Variants in MIOS observed in about 807,000 individuals in gnomAD.
The protein encoded by MIOS is meiosis regulator for oocyte development, also known as GATOR2 complex protein MIOS.
MIOS carries 52 observed loss-of-function variants against 96.9 expected under a neutral mutation model. That is an observed-to-expected ratio of 0.54 (90% CI 0.43 to 0.68). The LOEUF (loss-of-function observed/expected upper bound fraction) is 0.68, where lower values mean the gene tolerates loss of function less well. Ranked by LOEUF, MIOS falls within the 30% of genes least tolerant of loss-of-function variation. The pLI is 0.00. For synonymous variants in MIOS, 397 were observed against 359.5 expected, an observed-to-expected ratio of 1.10 and a Z score of -1.18; for missense variants, 1,005 against 1,052.8, an observed-to-expected ratio of 0.95 and a Z score of 0.63.
chr7:7,568,643 T>C (rs1302941286), intron 3 of MIOS, among the ~76,000 whole-genome samples: 4 of 152,330 alleles, frequency 2.6e-5, no homozygotes, highest in Admixed American at 2.6e-4. Flanking sequence ...ACATTGTAAA[T>C]AATTTTTAAA....
intron 5 of MIOS, among the ~76,000 whole-genome samples, chr7:7,580,693 C>CT (rs1783684573): frequency 1.8e-5 from 1 of 55,664 alleles, no homozygotes; most frequent in African/African-American, 7.1e-5. Context: ...TACTATTTTA[C>CT]CTTTTTTTTT....
chr7:7,579,191 A>G (rs1465550876), intron 5 of MIOS, among the ~76,000 whole-genome samples: 1 of 152,240 alleles, frequency 6.6e-6, no homozygotes, highest in Admixed American at 6.5e-5. Flanking sequence ...AAAAATTTAT[A>G]TGTAAAACTC....
At chr7:7,581,951 GA>G (rs1783742312) in intron 5 of MIOS, 1 of 140,604 alleles carries the variant, frequency 7.1e-6, no homozygotes, top group Non-Finnish European at 1.5e-5. Flanking sequence ...CTGTTATCTC[GA>G]GACAAGTTAC....
At position 7,572,293 on chromosome 7, in the gene MIOS, TAGC is replaced by T. The variant is rs1783381790; in HGVS notation, c.-40-140_-40-138del. 2.2e-6 allele frequency: 1 copy of T among 463,978 alleles called. No homozygotes were observed. Among genetic ancestry groups the T allele is most frequent in the Non-Finnish European group, 3.8e-6 (1 of 264,570 alleles). 28.7% of individuals were successfully genotyped at this position (463,978 alleles called of 1,614,324 possible). On this transcript the variant is annotated intron_variant, in intron 3 of 12. Coordinates refer to ENST00000340080, the MANE Select transcript of MIOS (RefSeq NM_019005.4). This position sits in a 1 kb window ranked among gnomAD's most constrained non-coding sequence, Gnocchi z 4.8. Reference sequence around the variant, plus strand: ...TTCAATAAATATTTTCTTGAATTCATAGCAGATAGAGAGAAGAAATACAAATAT... The same window carrying T: ...TTCAATAAATATTTTCTTGAATTCATAGATAGAGAGAAGAAATACAAATAT...
At chr7:7,568,598 C>G (rs1222694189) in intron 3 of MIOS, among the ~76,000 whole-genome samples, 1 of 152,220 alleles carries the variant, frequency 6.6e-6, no homozygotes, top group Non-Finnish European at 1.5e-5. Context: ...ATGGCTAGCA[C>G]TTAGTTTAAT....
chr7:7,576,342 C>T (rs950126618), intron 5 of MIOS, among the ~76,000 whole-genome samples: 99 of 152,256 alleles, frequency 6.5e-4, no homozygotes, highest in African/African-American at 2.3e-3. Context: ...AATGTCATCC[C>T]TGCTCTTGAG....
At position 7,580,281 on chromosome 7, in the gene MIOS, C is replaced by G. The variant is rs200450211; in HGVS notation, c.1394-2837C>G. On this transcript the variant is annotated intron_variant, in intron 5 of 12. Transcript: ENST00000340080. ...TTTTCACATTATAGTCCTTAAAAAT[C>G]CACTTTCATAAGCTAAAAGTGATTT... Among the ~76,000 whole-genome samples the G allele has an allele frequency of 7.2e-5, 11 of 152,282 alleles. No homozygotes were observed. The East Asian group carries it at 2.1e-3, about 29-fold the overall frequency.
chr7:7,597,517 T>TATATGTATAAAA (rs372634070), intron 11 of MIOS, among the ~76,000 whole-genome samples: 1 of 70,428 alleles, frequency 1.4e-5, no homozygotes, highest in Non-Finnish European at 2.7e-5. Flanking sequence ...TATATATATA[T>TATATGTATAAAA]GAAGGCAATA....
At chr7:7,594,698 G>A (rs549110408) in intron 9 of MIOS, among the ~76,000 whole-genome samples, 17 of 152,260 alleles carry the variant, frequency 1.1e-4, no homozygotes, top group Admixed American at 7.8e-4. Flanking sequence ...ATTCAACCAC[G>A]AAGTTCTATT....
At chr7:7,600,119 G>A (rs917800225) in intron 11 of MIOS, among the ~76,000 whole-genome samples, 8 of 151,974 alleles carry the variant, frequency 5.3e-5, no homozygotes, top group Middle Eastern at 3.4e-3. Context: ...CCCATGACAC[G>A]CAATTTACCT....
At chr7:7,584,363 C>T (rs975637605) in intron 6 of MIOS, among the ~76,000 whole-genome samples, 15 of 152,194 alleles carry the variant, frequency 9.9e-5, no homozygotes, top group Admixed American at 9.8e-4. Context: ...AAGGGTGATA[C>T]TTTCCTATCT....
intron 7 of MIOS, 95 bp downstream of exon 7, chr7:7,585,900 A>G (rs1783872547): frequency 8.6e-7 from 1 of 1,156,622 alleles, no homozygotes; most frequent in Admixed American, 2.8e-5. Context: ...TGCATAAAAT[A>G]TTATATTTTT....
At chr7:7,578,846 G>A (rs933909740) in intron 5 of MIOS, among the ~76,000 whole-genome samples, 17 of 152,032 alleles carry the variant, frequency 1.1e-4, no homozygotes, top group Admixed American at 1.1e-3. Context: ...GAGTAGCTGG[G>A]ATTACAGGCG....
At chr7:7,599,554 G>T (rs1485344768) in intron 11 of MIOS, among the ~76,000 whole-genome samples, 2 of 152,208 alleles carry the variant, frequency 1.3e-5, no homozygotes, top group African/African-American at 4.8e-5. Flanking sequence ...TTGCAGGGAA[G>T]CCGTCCAGGT....
Position 7,573,792 on chromosome 7 carries a change from T to C in MIOS, c.1294+23T>C. On this transcript the variant is annotated intron_variant, in intron 4 of 12. Transcript: ENST00000340080. The surrounding 1 kb of genome is among the most constrained non-coding windows in gnomAD (Gnocchi z 5.0). The stretch of plus-strand genomic sequence containing the variant: ...ACTATATCCTTTTCATTGTGAATTT[T>C]GTGAGGTGAATCAGGTAGAAATGTT... The C allele has an allele frequency of 6.5e-7, 1 of 1,542,074 alleles. No homozygotes were observed.
rs1374906805 is a variant in MIOS, at chr7:7,596,407, C to G, written c.2347C>G (p.Pro783Ala). 6.2e-7 allele frequency: 1 copy of G among 1,614,096 alleles called. No homozygotes were observed. ...TTGTCCTGGCTGTCGAAAACCACTT[C>G]CTCGATGTGCGCTTTGTCTCATTAA... ...TSCPGCRKPLPRCALCLINMG... is the reference protein window; with the variant it reads ...TSCPGCRKPLARCALCLINMG... The change falls in exon 11 of 13, where the codon CCT (proline) becomes GCT (alanine). Residue 783 changes from proline to alanine, a missense_variant. By Grantham distance (27) the Pro-to-Ala change is conservative (BLOSUM62 -1). Transcript: ENST00000340080.
intron 9 of MIOS, among the ~76,000 whole-genome samples, chr7:7,591,154 C>T (rs1446198505): frequency 2.0e-5 from 3 of 152,090 alleles, no homozygotes; most frequent in Non-Finnish European, 2.9e-5. Context: ...CAAATTTTAA[C>T]TGAAAATGTC....
At chr7:7,598,794 T>C (rs549149817) in intron 11 of MIOS, among the ~76,000 whole-genome samples, 24 of 152,312 alleles carry the variant, frequency 1.6e-4, no homozygotes, top group African/African-American at 5.8e-4. Flanking sequence ...AATAATTTTC[T>C]AGAATTTGAA....
rs376486803 is a variant in MIOS, at chr7:7,593,901, A to AAAAAC, written c.2044-1079_2044-1078insAAAAC. ...CTCCAAAAAAAAAAAAAAAAGAAAA[A>AAAAAC]GAAAAGAAAAAAAGAAAACCTAAAG... is the stretch of plus-strand genomic sequence containing the variant. On this transcript the variant is annotated intron_variant, in intron 9 of 12. Transcript: ENST00000340080. Among the ~76,000 whole-genome samples, 12 of 145,132 alleles carry AAAAAC rather than the reference A, an allele frequency of 8.3e-5. 1 individual carries two copies. The highest frequency in any genetic ancestry group is 4.4e-4 in the South Asian group (2 of 4,576).
Sources: allele counts gnomAD v4.1 joint callset (sites outside exome capture counted in the v4.1 genomes callset), GRCh38; gene constraint gnomAD v4.1.1; non-coding constraint Gnocchi (gnomAD v3.1); transcripts MANE v1.5; gene names NCBI Gene and HGNC (gene_info 2026-07-23, HGNC 2026-07-21).